Variants in GARNL3 observed in about 807,000 individuals in gnomAD.
GARNL3 encodes the protein GTPase activating Rap/RanGAP domain like 3.
Under a neutral mutation model 125.0 loss-of-function variants are expected in GARNL3, and 63 were observed. That is an observed-to-expected ratio of 0.50 (90% CI 0.41 to 0.62). The LOEUF is 0.62. Among genes scored for constraint, GARNL3 ranks in the 20% least tolerant of loss-of-function variants. GARNL3 has a pLI of 0.00. For synonymous variants in GARNL3, 439 were observed against 457.5 expected, an observed-to-expected ratio of 0.96 and a Z score of 0.52; for missense variants, 994 against 1,244.0, an observed-to-expected ratio of 0.80 and a Z score of 3.02.
intron 2 of GARNL3, among the ~76,000 whole-genome samples, chr9:127,294,440 A>T (rs915913962): frequency 1.3e-5 from 2 of 152,122 alleles, no homozygotes; most frequent in African/African-American, 4.8e-5. Context: ...AGTAGCTGGG[A>T]TTACAGGTGT....
intron 7 of GARNL3, among the ~76,000 whole-genome samples, chr9:127,329,960 T>A (rs752450286): frequency 6.6e-6 from 1 of 152,206 alleles, no homozygotes; most frequent in African/African-American, 2.4e-5. Flanking sequence ...CTGGACCTGA[T>A]CCTGGGCCTC....
intron 4 of GARNL3, among the ~76,000 whole-genome samples, chr9:127,316,928 C>T (rs2065256002): frequency 6.6e-6 from 1 of 152,224 alleles, no homozygotes; most frequent in Non-Finnish European, 1.5e-5. Context: ...TTTCTTTGCC[C>T]ATTCCCTAAA....
intron 10 of GARNL3, 56 bp from the exon 11 acceptor site, chr9:127,336,072 G>C: frequency 2.4e-6 from 3 of 1,272,644 alleles, no homozygotes; most frequent in Non-Finnish European, 3.4e-6. Context: ...TTTTAACTCT[G>C]TGAATGTGCC....
At chr9:127,311,561 G>T in intron 2 of GARNL3, 75 bp from the exon 3 acceptor site, 1 of 994,226 alleles carries the variant, frequency 1.0e-6, no homozygotes. Context: ...TGGTTCTTTG[G>T]CCGCTGGTTC....
chr9:127,355,516 T>C (rs1347822880), intron 20 of GARNL3, 44 bp downstream of exon 20: 1 of 1,582,544 alleles, frequency 6.3e-7, no homozygotes, highest in Non-Finnish European at 8.7e-7. Context: ...CCAAGTTGTC[T>C]TGAAGCAGAC....
At chr9:127,317,346 T>A (rs982666723) in intron 4 of GARNL3, among the ~76,000 whole-genome samples, 1 of 152,228 alleles carries the variant, frequency 6.6e-6, no homozygotes, top group African/African-American at 2.4e-5. Context: ...AGTTTTTGAC[T>A]GGGAGACATT....
intron 1 of GARNL3, among the ~76,000 whole-genome samples, chr9:127,286,985 A>G (rs1198038372): frequency 6.6e-6 from 1 of 152,188 alleles, no homozygotes. Flanking sequence ...TGTCTTCAAC[A>G]TGAATTTCCA....
chr9:127,299,307 CAAA>C (rs774997294), intron 2 of GARNL3, among the ~76,000 whole-genome samples: 2 of 22,570 alleles, frequency 8.9e-5, no homozygotes, highest in Non-Finnish European at 1.6e-4. Context: ...GACTCCGTCT[CAAA>C]AAAAAAAAAA....
At chr9:127,391,445 T>C (rs1832831313) in intron 27 of GARNL3, among the ~76,000 whole-genome samples, 1 of 141,174 alleles carries the variant, frequency 7.1e-6, no homozygotes, top group Non-Finnish European at 1.5e-5. Context: ...TCCCAACACT[T>C]TGGGAGGATG....
Position 127,393,188 on chromosome 9 carries a change from G to A in GARNL3, c.2976G>A (p.Pro992=), listed in dbSNP as rs199929694. 13 of 1,613,594 alleles carry A rather than the reference G, an allele frequency of 8.1e-6. No individual in the cohort carries two copies. The highest frequency in any genetic ancestry group is 3.3e-5 in the South Asian group (3 of 91,064). The change falls in exon 28 of 28, where the codon CCG becomes CCA. Residue 992 remains proline (P), a synonymous_variant. Transcript: ENST00000373387. ...CTGTGGCAGACAGAGAGGGCAGCCCGGTCTCCGGCAGCAGCCCCTTCCAGC... is the reference window on the plus strand; with the variant it reads ...CTGTGGCAGACAGAGAGGGCAGCCCAGTCTCCGGCAGCAGCCCCTTCCAGC... ...QDPVADREGS[P]VSGSSPFQLT...
chr9:127,273,265 C>T (rs1028440061), intron 1 of GARNL3, among the ~76,000 whole-genome samples: 11 of 152,232 alleles, frequency 7.2e-5, no homozygotes, highest in Admixed American at 2.0e-4. Flanking sequence ...AGAGCCCCTG[C>T]GCTTAATCTC....
chr9:127,384,710 T>A lies in GARNL3; in HGVS notation c.2270-317T>A, dbSNP rs1268174028. Among the ~76,000 whole-genome samples the A allele has an allele frequency of 6.6e-6, 1 of 152,046 alleles. No individual in the cohort carries two copies. Among genetic ancestry groups the A allele is most frequent in the Non-Finnish European group, 1.5e-5 (1 of 68,000 alleles). Reference sequence around the variant, plus strand: ...CTGGCGTCTGAACAACAGAAGGGACTCCCCACAGGACTATGGCAAGTGAGC... The same window carrying A: ...CTGGCGTCTGAACAACAGAAGGGACACCCCACAGGACTATGGCAAGTGAGC... On this transcript the variant is annotated intron_variant, in intron 23 of 27. Coordinates refer to ENST00000373387, the MANE Select transcript of GARNL3 (RefSeq NM_032293.5). The surrounding 1 kb of genome is among the most constrained non-coding windows in gnomAD (Gnocchi z 4.0).
At chr9:127,288,855 T>C (rs2064327628) in intron 1 of GARNL3, among the ~76,000 whole-genome samples, 1 of 152,234 alleles carries the variant, frequency 6.6e-6, no homozygotes, top group Non-Finnish European at 1.5e-5. Context: ...TAGATGAGAC[T>C]AGTTATAGTC....
At chr9:127,365,412 C>CTT (rs34477788) in intron 22 of GARNL3, 46 bp downstream of exon 22, 6,387 of 1,142,152 alleles carry the variant, frequency 5.6e-3, no homozygotes, top group East Asian at 0.013. Flanking sequence ...AAATGGACTG[C>CTT]TTTTTTTTTT....
chr9:127,293,621 T>C (rs985228720), intron 2 of GARNL3, among the ~76,000 whole-genome samples: 1 of 152,190 alleles, frequency 6.6e-6, no homozygotes, highest in Non-Finnish European at 1.5e-5. Flanking sequence ...TTAAACATAG[T>C]GTAATGGTTT....
At chr9:127,346,503 T>C (rs1830145467) in intron 16 of GARNL3, among the ~76,000 whole-genome samples, 1 of 152,198 alleles carries the variant, frequency 6.6e-6, no homozygotes, top group African/African-American at 2.4e-5. Flanking sequence ...GTCTGCTTGT[T>C]CCCATGCACA....
At chr9:127,231,017 T>C (rs1188607658) in intron 1 of GARNL3, among the ~76,000 whole-genome samples, 1 of 110,766 alleles carries the variant, frequency 9.0e-6, no homozygotes, top group Non-Finnish European at 1.8e-5. Context: ...TGTGTATATA[T>C]ACATATATGT....
At chr9:127,371,726 CAT>C (rs1428035642) in intron 22 of GARNL3, among the ~76,000 whole-genome samples, 5 of 152,092 alleles carry the variant, frequency 3.3e-5, no homozygotes, top group African/African-American at 1.2e-4. Flanking sequence ...AAGTGAGTCA[CAT>C]AATAACATAT....
chr9:127,350,141 C>T (rs991674723), intron 17 of GARNL3, among the ~76,000 whole-genome samples: 4 of 152,052 alleles, frequency 2.6e-5, no homozygotes, highest in African/African-American at 7.2e-5. Context: ...GTATCTATAA[C>T]GAACTTAAGG....
Sources: allele counts gnomAD v4.1 joint callset (sites outside exome capture counted in the v4.1 genomes callset), GRCh38; gene constraint gnomAD v4.1.1; non-coding constraint Gnocchi (gnomAD v3.1); transcripts MANE v1.5; gene names NCBI Gene and HGNC (gene_info 2026-07-23, HGNC 2026-07-21).